TMEM11: variants seen among roughly 807,000 people sequenced by gnomAD.
The protein encoded by TMEM11 is transmembrane protein 11, mitochondrial.
A neutral mutation model predicts 17.0 loss-of-function variants in TMEM11; 1 was observed. The ratio of observed to expected loss-of-function variants is 0.06; its 90% CI spans 0.02 to 0.28. The LOEUF (loss-of-function observed/expected upper bound fraction) is 0.28. TMEM11 is among the 10% of genes least tolerant of loss of function. The pLI is 1.00. For missense variants in TMEM11, 172 were observed against 252.9 expected, an observed-to-expected ratio of 0.68 and a Z score of 2.17; for synonymous variants, 122 against 118.1, an observed-to-expected ratio of 1.03 and a Z score of -0.21.
intron 1 of TMEM11, among the ~76,000 whole-genome samples, chr17:21,200,124 C>CAAGGCCAG (rs935822621): frequency 3.2e-4 from 49 of 152,342 alleles, no homozygotes; most frequent in Middle Eastern, 3.4e-3. Flanking sequence ...AGCTCTGCAG[C>CAAGGCCAG]AAGGCCAGAC....
intron 1 of TMEM11, among the ~76,000 whole-genome samples, chr17:21,199,602 A>C (rs1335240933): frequency 6.6e-6 from 1 of 152,248 alleles, no homozygotes; most frequent in Non-Finnish European, 1.5e-5. Context: ...GATAATGCTA[A>C]GCCCTTGCCC....
chr17:21,202,900 C>G (rs1047378382), intron 1 of TMEM11, among the ~76,000 whole-genome samples: 80 of 152,382 alleles, frequency 5.2e-4, no homozygotes, highest in African/African-American at 1.7e-3. Context: ...CCCCACCTGC[C>G]TGTCAAACCA....
chr17:21,208,287 C>G (rs763534372), intron 1 of TMEM11: 2 of 152,106 alleles, frequency 1.3e-5, no homozygotes, highest in Non-Finnish European at 2.9e-5. Context: ...CCACTGCGCC[C>G]GGCCAAAGTG....
chr17:21,208,117 A>C (rs1244257578), intron 1 of TMEM11, among the ~76,000 whole-genome samples: 4 of 150,376 alleles, frequency 2.7e-5, no homozygotes, highest in Admixed American at 6.6e-5. Context: ...CTCAGCCTCC[A>C]GAGTAGCTGG....
In TMEM11 at chr17:21,198,938, G is replaced by C; in HGVS notation, c.63-98C>G. ...TGTTTCAGCGCTGGGGGAGGTCTGAGCCTGCACTGCGGAGAGCACATCTCA... is the reference window on the plus strand; with the variant it reads ...TGTTTCAGCGCTGGGGGAGGTCTGACCCTGCACTGCGGAGAGCACATCTCA... On this transcript the variant is annotated intron_variant, in intron 1 of 1. Coordinates refer to ENST00000317635, the MANE Select transcript of TMEM11 (RefSeq NM_003876.3). This position sits in a 1 kb window ranked among gnomAD's most constrained non-coding sequence, Gnocchi z 6.5. The C allele has an allele frequency of 7.5e-7, 1 of 1,341,932 alleles. No homozygotes were observed. The highest frequency in any genetic ancestry group is 1.0e-6 in the Non-Finnish European group (1 of 986,822). 83.1% of individuals were successfully genotyped at this position (1,341,932 alleles called of 1,614,324 possible).
intron 1 of TMEM11, chr17:21,211,293 T>G: frequency 8.3e-7 from 1 of 1,197,914 alleles, no homozygotes; most frequent in African/African-American, 1.6e-5. Context: ...TTTCCACCCC[T>G]CCTATCTTAG....
intron 1 of TMEM11, among the ~76,000 whole-genome samples, chr17:21,207,730 A>T (rs1460257050): frequency 1.3e-5 from 2 of 151,608 alleles, no homozygotes; most frequent in Non-Finnish European, 2.9e-5. Context: ...TCTACTAAAA[A>T]TACAAAAATT....
At chr17:21,208,122 A>G (rs941871992) in intron 1 of TMEM11, among the ~76,000 whole-genome samples, 6 of 150,828 alleles carry the variant, frequency 4.0e-5, no homozygotes, top group African/African-American at 1.5e-4. Flanking sequence ...CCTCCAGAGT[A>G]GCTGGGACTA....
chr17:21,203,749 C>T (rs1974909453), intron 1 of TMEM11, among the ~76,000 whole-genome samples: 1 of 151,502 alleles, frequency 6.6e-6, no homozygotes, highest in Admixed American at 6.6e-5. Context: ...AGGAGACAGC[C>T]ACGTCCAGCC....
intron 1 of TMEM11, among the ~76,000 whole-genome samples, chr17:21,205,434 T>C (rs1192680244): frequency 6.6e-6 from 1 of 152,170 alleles, no homozygotes; most frequent in Non-Finnish European, 1.5e-5. Context: ...TGTGGTGCAC[T>C]TGGGGCACAG....
In TMEM11 at chr17:21,198,941, T is replaced by G. The variant is rs1442437502; in HGVS notation, c.63-101A>C. Reference sequence around the variant, plus strand: ...TTCAGCGCTGGGGGAGGTCTGAGCCTGCACTGCGGAGAGCACATCTCACTT... The same window carrying G: ...TTCAGCGCTGGGGGAGGTCTGAGCCGGCACTGCGGAGAGCACATCTCACTT... On this transcript the variant is annotated intron_variant, in intron 1 of 1. Transcript: ENST00000317635. The surrounding 1 kb of genome is among the most constrained non-coding windows in gnomAD (Gnocchi z 6.5). The G allele has an allele frequency of 4.6e-6, 6 of 1,311,218 alleles. No homozygotes were observed. Among genetic ancestry groups the G allele is most frequent in the Non-Finnish European group, 5.2e-6 (5 of 962,192 alleles). The allele number at this position is 1,311,218 out of a possible 1,614,324, so 81.2% of individuals were successfully genotyped here. A position where few individuals can be genotyped will look rare whatever the true frequency, so the allele number is the denominator to read the frequency against.
At position 21,211,036 on chromosome 17, in the gene TMEM11, G is replaced by A. The variant is rs954561294; in HGVS notation, c.62+3055C>T. 16 of 1,289,702 alleles carry A rather than the reference G, an allele frequency of 1.2e-5. No homozygotes were observed. In the Admixed American group the frequency reaches 1.6e-4, roughly 13 times the overall value. 79.9% of individuals were successfully genotyped at this position (1,289,702 alleles called of 1,614,324 possible). On this transcript the variant is annotated intron_variant, in intron 1 of 1. Transcript: ENST00000317635. The stretch of plus-strand genomic sequence containing the variant: ...GGCAGGGCTGTCTGTGAGCTGGTCC[G>A]GGCTGGCACACGGTGGCAGAACACA...
chr17:21,209,195 A>G (rs1315624099), intron 1 of TMEM11, among the ~76,000 whole-genome samples: 2 of 152,214 alleles, frequency 1.3e-5, no homozygotes, highest in Non-Finnish European at 2.9e-5. Context: ...CTGGTAACTC[A>G]GCAGCCCTTC....
At chr17:21,203,190 A>G (rs997461042) in intron 1 of TMEM11, among the ~76,000 whole-genome samples, 3 of 152,356 alleles carry the variant, frequency 2.0e-5, no homozygotes, top group Admixed American at 6.5e-5. Flanking sequence ...CAGACCCTAT[A>G]TGGAGACGGT....
chr17:21,208,891 A>C (rs1974973070), intron 1 of TMEM11, among the ~76,000 whole-genome samples: 1 of 152,250 alleles, frequency 6.6e-6, no homozygotes, highest in African/African-American at 2.4e-5. Context: ...GAGAACTGGT[A>C]CCAGAAAAGT....
At chr17:21,211,635 G>C (rs1378631767) in intron 1 of TMEM11, among the ~76,000 whole-genome samples, 1 of 152,218 alleles carries the variant, frequency 6.6e-6, no homozygotes, top group African/African-American at 2.4e-5. Flanking sequence ...AATACTGCAG[G>C]CAGTCTGGCA....
chr17:21,203,184 C>G (rs1974901214), intron 1 of TMEM11, among the ~76,000 whole-genome samples: 1 of 152,202 alleles, frequency 6.6e-6, no homozygotes, highest in Non-Finnish European at 1.5e-5. Context: ...AGGCAACAGA[C>G]CCTATATGGA....
In TMEM11 at chr17:21,200,104, C is replaced by G. The variant is rs573933848; in HGVS notation, c.63-1264G>C. 2.0e-5 allele frequency among the ~76,000 whole-genome samples: 3 copies of G among 152,342 alleles called. No homozygotes were observed. In the East Asian group the frequency reaches 5.8e-4, roughly 29 times the overall value. On this transcript the variant is annotated intron_variant, in intron 1 of 1. Transcript: ENST00000317635. ...ACCAGCAGGAGAGTAATCCACCACACGGAACGCTCAGCTCTGCAGCAAGGC... is the reference window on the plus strand; with the variant it reads ...ACCAGCAGGAGAGTAATCCACCACAGGGAACGCTCAGCTCTGCAGCAAGGC...
rs1335060088 is a variant in TMEM11, at chr17:21,198,056, C to G, written c.*268G>C. 1 of 440,800 alleles carries G rather than the reference C, an allele frequency of 2.3e-6. No homozygotes were observed. Among genetic ancestry groups the G allele is most frequent in the East Asian group, 3.7e-5 (1 of 26,846 alleles). 27.3% of individuals were successfully genotyped at this position (440,800 alleles called of 1,614,324 possible). A position where few individuals can be genotyped will look rare whatever the true frequency, so the allele number is the denominator to read the frequency against. On this transcript the variant is annotated 3_prime_UTR_variant, in exon 2 of 2. Transcript: ENST00000317635. This position sits in a 1 kb window ranked among gnomAD's most constrained non-coding sequence, Gnocchi z 6.5. ...CCTCCCCCAAAGCACGTCCACACCC[C>G]CTCGGCAGCGTCTGCCTCCATCAGC...
Sources: gnomAD v4.1 joint callset for allele counts (sites outside exome capture counted in the v4.1 genomes callset) on GRCh38, gnomAD v4.1.1 for gene constraint, Gnocchi (gnomAD v3.1) non-coding constraint, MANE v1.5 for transcripts, NCBI Gene and HGNC (gene_info 2026-07-23, HGNC 2026-07-21) for gene names.